The following CADM2 variants were observed in gnomAD, a reference collection of about 807,000 sequenced individuals.
CADM2 encodes cell adhesion molecule 2, also known as immunoglobulin superfamily member 4D.
In CADM2, 12 loss-of-function variants were observed where a neutral mutation model predicts 49.8. The ratio of observed to expected loss-of-function variants is 0.24; its 90% confidence interval spans 0.15 to 0.39. The LOEUF (loss-of-function observed/expected upper bound fraction) is 0.39, where lower values mean the gene tolerates loss of function less well. Among genes scored for constraint, CADM2 ranks in the 10% least tolerant of loss-of-function variants. The pLI is 1.00. For synonymous variants in CADM2, 214 were observed against 175.4 expected (o/e 1.22, Z -1.74); for missense variants, 378 against 492.3 (o/e 0.77, Z 2.20).
At chr3:85,351,809 T>C (rs2031378894) in intron 1 of CADM2, among the ~76,000 whole-genome samples, 1 of 152,134 alleles carries the variant, frequency 6.6e-6, no homozygotes, top group African/African-American at 2.4e-5. Context: ...TGGGAACATC[T>C]TTTTAAGGGA....
At chr3:85,947,403 G>A (rs1722864335) in intron 7 of CADM2, among the ~76,000 whole-genome samples, 1 of 151,606 alleles carries the variant, frequency 6.6e-6, no homozygotes, top group Non-Finnish European at 1.5e-5. Context: ...GTGTGTCTGT[G>A]TGTGTGTTGT....
intron 1 of CADM2, among the ~76,000 whole-genome samples, chr3:84,988,791 C>T (rs1193130818): frequency 1.3e-5 from 2 of 151,998 alleles, no homozygotes; most frequent in African/African-American, 4.8e-5. Context: ...CCCATATTTC[C>T]GTAAATGCAA....
At chr3:85,021,929 CAG>C (rs2034529814) in intron 1 of CADM2, among the ~76,000 whole-genome samples, 1 of 152,186 alleles carries the variant, frequency 6.6e-6, no homozygotes, top group African/African-American at 2.4e-5. Context: ...GTTGTCCTAA[CAG>C]AACTATTGTA....
intron 1 of CADM2, among the ~76,000 whole-genome samples, chr3:85,092,736 C>G (rs181205949): frequency 0.013 from 1,927 of 152,142 alleles, 20 homozygotes; most frequent in Non-Finnish European, 0.02. Flanking sequence ...CAGATCTTTT[C>G]TCTTCCACCA....
chr3:85,033,018 G>A (rs57529094), intron 1 of CADM2, among the ~76,000 whole-genome samples: 3,133 of 152,018 alleles, frequency 0.021, 61 homozygotes, highest in East Asian at 0.079. Flanking sequence ...TAGAGGAAAA[G>A]AGAGAATAAG....
Position 85,568,463 on chromosome 3 carries a change from C to CTTTCTTTTTCTT in CADM2, c.62-158058_62-158057insTTCTTTTTCTTT, listed in dbSNP as rs1424573453. Among the ~76,000 whole-genome samples, 12 of 13,192 alleles carry CTTTCTTTTTCTT rather than the reference C, an allele frequency of 9.1e-4. 1 individual carries two copies. Among genetic ancestry groups the CTTTCTTTTTCTT allele is most frequent in the African/African-American group, 1.5e-3 (12 of 7,754 alleles). 8.7% of individuals were successfully genotyped at this position (13,192 alleles called of 152,430 possible). ...TCTTTCTTTCTTTCTTTCTTTCTTT[C>CTTTCTTTTTCTT]TCTTTCTCTCTCTTTCTTTCTTTCT... On this transcript the variant is annotated intron_variant, in intron 1 of 9. Transcript: ENST00000383699.
chr3:85,825,077 T>C (rs1160028167), intron 3 of CADM2, among the ~76,000 whole-genome samples: 1 of 152,026 alleles, frequency 6.6e-6, no homozygotes, highest in African/African-American at 2.4e-5. Flanking sequence ...GTAATTTATA[T>C]TGAAAAATAA....
chr3:85,335,356 T>C (rs1029323285), intron 1 of CADM2, among the ~76,000 whole-genome samples: 1 of 151,508 alleles, frequency 6.6e-6, no homozygotes. Flanking sequence ...ATTTTAACTC[T>C]TCTTCTTCCT....
At chr3:85,547,859 C>T (rs62253964) in intron 1 of CADM2, among the ~76,000 whole-genome samples, 77,445 of 151,564 alleles carry the variant, frequency 0.51, 22,811 homozygotes, top group East Asian at 0.85. Context: ...GTCATCTACA[C>T]AGTCGCAGAG....
intron 2 of CADM2, among the ~76,000 whole-genome samples, chr3:85,778,336 T>A (rs2070459957): frequency 6.6e-6 from 1 of 152,142 alleles, no homozygotes; most frequent in African/African-American, 2.4e-5. Flanking sequence ...AAAATTATTC[T>A]GAATATAACT....
At chr3:85,669,720 C>T (rs2065678856) in intron 1 of CADM2, among the ~76,000 whole-genome samples, 3 of 152,068 alleles carry the variant, frequency 2.0e-5, no homozygotes, top group Admixed American at 2.0e-4. Flanking sequence ...AATGATAAAT[C>T]TTTAAGCCTA....
intron 1 of CADM2, among the ~76,000 whole-genome samples, chr3:85,505,690 A>G (rs941747379): frequency 2.0e-5 from 3 of 152,220 alleles, no homozygotes; most frequent in African/African-American, 7.2e-5. Flanking sequence ...TGATTATACA[A>G]ACTTTTATCT....
intron 1 of CADM2, among the ~76,000 whole-genome samples, chr3:85,164,465 A>G (rs931308972): frequency 6.6e-6 from 1 of 152,042 alleles, no homozygotes; most frequent in Non-Finnish European, 1.5e-5. Flanking sequence ...CCCTCAATCA[A>G]CTGTAAGGTA....
At chr3:85,594,966 A>G (rs1294437462) in intron 1 of CADM2, among the ~76,000 whole-genome samples, 3 of 152,082 alleles carry the variant, frequency 2.0e-5, no homozygotes, top group African/African-American at 7.2e-5. Flanking sequence ...TTGGAAACCT[A>G]GACAGCAGCC....
At chr3:85,757,188 G>A (rs182015979) in intron 2 of CADM2, among the ~76,000 whole-genome samples, 4 of 152,186 alleles carry the variant, frequency 2.6e-5, no homozygotes, top group Non-Finnish European at 5.9e-5. Flanking sequence ...ATGACAACTT[G>A]GAGAAGAAAT....
intron 1 of CADM2, among the ~76,000 whole-genome samples, chr3:84,986,854 C>T (rs1362064615): frequency 6.6e-6 from 1 of 151,564 alleles, no homozygotes; most frequent in African/African-American, 2.4e-5. Flanking sequence ...GAGTTCAAGA[C>T]CACCCTGACC....
chr3:86,056,393 C>T (rs1486515883), intron 8 of CADM2, among the ~76,000 whole-genome samples: 1 of 152,172 alleles, frequency 6.6e-6, no homozygotes, highest in African/African-American at 2.4e-5. Context: ...ATAGAAATAC[C>T]ATGTTCGGAT....
intron 1 of CADM2, among the ~76,000 whole-genome samples, chr3:85,202,041 C>T (rs555522850): frequency 1.4e-5 from 2 of 143,550 alleles, no homozygotes; most frequent in Admixed American, 7.2e-5. Context: ...GATCGCACCA[C>T]TGCTCTCCAG....
intron 3 of CADM2, among the ~76,000 whole-genome samples, chr3:85,876,819 A>T (rs1711913951): frequency 1.3e-5 from 2 of 152,138 alleles, no homozygotes; most frequent in African/African-American, 4.8e-5. Context: ...AATTTGGTCT[A>T]AAACTAACTA....
Sources: allele counts gnomAD v4.1 joint callset (sites outside exome capture counted in the v4.1 genomes callset), GRCh38; gene constraint gnomAD v4.1.1; transcripts MANE v1.5; gene names NCBI Gene and HGNC (gene_info 2026-07-23, HGNC 2026-07-21).